The following LOXHD1 variants were observed in gnomAD, a reference collection of about 807,000 sequenced individuals.
LOXHD1 encodes the protein lipoxygenase homology PLAT domains 1, also known as lipoxygenase homology domain-containing protein 1.
A neutral mutation model predicts 248.2 loss-of-function variants in LOXHD1; 205 were observed. The observed-to-expected ratio is 0.83, with a 90% CI of 0.74 to 0.93. The LOEUF is 0.93. Among genes scored for constraint, LOXHD1 ranks in the 40% least tolerant of loss-of-function variants. LOXHD1 has a pLI of 0.00. For synonymous variants in LOXHD1, 1,113 were observed against 1,162.8 expected (o/e 0.96, Z 0.87); for missense variants, 2,930 against 2,971.6 (o/e 0.99, Z 0.33).
intron 4 of LOXHD1, among the ~76,000 whole-genome samples, chr18:46,638,983 CT>C (rs1335276912): frequency 2.0e-5 from 3 of 152,194 alleles, no homozygotes; most frequent in Non-Finnish European, 4.4e-5. Context: ...TAATGCCCCC[CT>C]TTTTGGAAAA....
chr18:46,570,459 A>C (rs1389044277), intron 15 of LOXHD1, among the ~76,000 whole-genome samples: 1 of 152,212 alleles, frequency 6.6e-6, no homozygotes, highest in East Asian at 1.9e-4. Context: ...GGATTTGGAG[A>C]AAGTCAGCTG....
In LOXHD1 at chr18:46,639,787, T is replaced by C; in HGVS notation, c.340A>G (p.Asn114Asp). The C allele has an allele frequency of 1.3e-6, 2 of 1,551,732 alleles. No homozygotes were observed. The highest frequency in any genetic ancestry group is 1.7e-6 in the Non-Finnish European group (2 of 1,147,002). ...TACCAGCTGGCATTCAAGCCCGTGT[T>C]GTCATGCTCAATCCTGAGGCAGAAG... ...LIYKVRIEHDNTGLNASWYLD... is the reference protein window; with the variant it reads ...LIYKVRIEHDDTGLNASWYLD... The change falls in exon 4 of 41, where the codon AAC becomes GAC. Residue 114 changes from asparagine to aspartate, a missense_variant. By Grantham distance (23) the Asn-to-Asp change is conservative. Coordinates refer to ENST00000642948, the MANE Select transcript of LOXHD1 (RefSeq NM_001384474.1).
At chr18:46,566,488 G>A (rs1188130046) in intron 16 of LOXHD1, 39 bp from the exon 17 acceptor site, 34 of 1,526,532 alleles carry the variant, frequency 2.2e-5, no homozygotes, top group Non-Finnish European at 4.4e-6. Context: ...AGGAGCCAGT[G>A]TGTAGAAACC....
rs1412765114 is a variant in LOXHD1 at position 46,524,544 on chromosome 18, C to A, written c.4798G>T (p.Ala1600Ser). The A allele has an allele frequency of 1.3e-6, 2 of 1,551,578 alleles. No homozygotes were observed. The highest frequency in any genetic ancestry group is 2.0e-5 in the Admixed American group (1 of 50,984). ...CSSPADFWEI[A>S]LSSKMADVDI... ...ACATCGGCCATCTTGGAGCTCAGGG[C>A]GATCTCCCAGAAGTCAGCAGGGCTG... The change falls in exon 31 of 41, where the codon GCC becomes TCC. Residue 1600 changes from alanine to serine, a missense_variant. Physicochemically the swap from Ala to Ser is moderately conservative, Grantham distance 99. Coordinates refer to ENST00000642948, the MANE Select transcript of LOXHD1 (RefSeq NM_001384474.1).
At position 46,657,092 on chromosome 18, in the gene LOXHD1, C is replaced by A. The variant is rs1157047109; in HGVS notation, c.-59G>T. On this transcript the variant is annotated 5_prime_UTR_variant, in exon 1 of 41. Coordinates refer to ENST00000642948, the MANE Select transcript of LOXHD1 (RefSeq NM_001384474.1). ...TCACTGTGCCGCCTCCTCACACCTGCGGGAACCTGAGACCTCCTCCCTGAG... is the reference window on the plus strand; with the variant it reads ...TCACTGTGCCGCCTCCTCACACCTGAGGGAACCTGAGACCTCCTCCCTGAG... 4.5e-6 allele frequency: 7 copies of A among 1,550,312 alleles called. No homozygotes were observed. Among genetic ancestry groups the A allele is most frequent in the African/African-American group, 1.4e-5 (1 of 73,014 alleles).
intron 29 of LOXHD1, among the ~76,000 whole-genome samples, chr18:46,527,600 C>G (rs567661856): frequency 1.1e-4 from 17 of 152,324 alleles, no homozygotes; most frequent in African/African-American, 4.1e-4. Flanking sequence ...CCCCTAGCAT[C>G]TGGGGACCTG....
intron 25 of LOXHD1, among the ~76,000 whole-genome samples, chr18:46,538,732 T>A (rs560862285): frequency 1.3e-5 from 2 of 152,302 alleles, no homozygotes; most frequent in East Asian, 3.9e-4. Context: ...TAAAGTGCCC[T>A]CGACATGGTG....
intron 32 of LOXHD1, 40 bp downstream of exon 32, chr18:46,522,061 C>A: frequency 6.7e-7 from 1 of 1,490,388 alleles, no homozygotes; most frequent in Non-Finnish European, 9.1e-7. Context: ...CTGTCTATCC[C>A]TAGGGTGGTC....
At chr18:46,575,682 G>T (rs756636079) in intron 14 of LOXHD1, among the ~76,000 whole-genome samples, 12 of 152,142 alleles carry the variant, frequency 7.9e-5, no homozygotes, top group Non-Finnish European at 1.6e-4. Flanking sequence ...GAGGGGTGCA[G>T]CCTGGCTGAC....
At chr18:46,637,051 C>G (rs1395763199) in intron 4 of LOXHD1, among the ~76,000 whole-genome samples, 1 of 152,114 alleles carries the variant, frequency 6.6e-6, no homozygotes, top group Admixed American at 6.6e-5. Context: ...GAGGCTGAGG[C>G]AAGAGAATCA....
intron 37 of LOXHD1, among the ~76,000 whole-genome samples, chr18:46,489,652 C>A (rs1284431919): frequency 1.3e-5 from 2 of 152,208 alleles, no homozygotes; most frequent in Non-Finnish European, 2.9e-5. Context: ...CCCCTGATCA[C>A]CTGCTAGGCC....
chr18:46,550,616 T>C (rs1057481239), intron 21 of LOXHD1, among the ~76,000 whole-genome samples: 2 of 142,386 alleles, frequency 1.4e-5, no homozygotes, highest in African/African-American at 2.5e-5. Context: ...CAGCGTGTGA[T>C]CTGTCAAATC....
intron 1 of LOXHD1, among the ~76,000 whole-genome samples, chr18:46,652,025 A>G (rs1039471069): frequency 1.3e-5 from 2 of 152,246 alleles, no homozygotes; most frequent in Non-Finnish European, 2.9e-5. Context: ...GAACTGTGGT[A>G]TATCTGTACA....
chr18:46,595,463 C>T (rs2038243265), intron 8 of LOXHD1, among the ~76,000 whole-genome samples: 1 of 152,166 alleles, frequency 6.6e-6, no homozygotes, highest in South Asian at 2.1e-4. Flanking sequence ...TATAGTTCAC[C>T]CCACCTGCAT....
Position 46,538,293 on chromosome 18 carries a change from C to A in LOXHD1, c.3958G>T (p.Ala1320Ser). 6.4e-7 allele frequency: 1 copy of A among 1,551,538 alleles called. No individual in the cohort carries two copies. The highest frequency in any genetic ancestry group is 8.7e-7 in the Non-Finnish European group (1 of 1,146,796). The change falls in exon 26 of 41, where the codon GCT becomes TCT. Residue 1320 changes from alanine to serine, a missense_variant. Ala to Ser is a moderately conservative substitution (Grantham distance 99). Transcript: ENST00000642948. ...ATGAAGATGTTGGCATCTGTCCCAG[C>A]AGCAAAGACATCACTGGTGTAGAGG... Reference protein sequence around the residue: ...ITLYTSDVFAAGTDANIFIII... With the variant: ...ITLYTSDVFASGTDANIFIII...
At position 46,518,234 on chromosome 18, in the gene LOXHD1, C is replaced by A. The variant is rs1053524259; in HGVS notation, c.5294G>T (p.Trp1765Leu). The A allele has an allele frequency of 1.3e-6, 2 of 1,551,524 alleles. No homozygotes were observed. The highest frequency in any genetic ancestry group is 1.4e-5 in the African/African-American group (1 of 73,028). Residue 1765 changes from tryptophan to leucine, a missense_variant, in exon 34 of 41, where the codon TGG becomes TTG. Trp to Leu is a moderately conservative substitution (Grantham distance 61). Coordinates refer to ENST00000642948, the MANE Select transcript of LOXHD1 (RefSeq NM_001384474.1). ...GCCCCCGCCAACCACATCCCCTGTC[C>A]ACACCGTCATTTCATAGAGAACCTG... is the stretch of plus-strand genomic sequence containing the variant. Reference protein sequence around the residue: ...GVKVLYEMTVWTGDVVGGGTD... With the variant: ...GVKVLYEMTVLTGDVVGGGTD...
At chr18:46,590,408 C>T (rs1360253076) in intron 12 of LOXHD1, among the ~76,000 whole-genome samples, 6 of 152,012 alleles carry the variant, frequency 3.9e-5, no homozygotes, top group East Asian at 1.9e-4. Flanking sequence ...AAATAGAGAC[C>T]GAGAATCTAA....
chr18:46,604,665 T>C (rs572705296), intron 6 of LOXHD1, among the ~76,000 whole-genome samples: 2 of 152,294 alleles, frequency 1.3e-5, no homozygotes, highest in East Asian at 3.9e-4. Flanking sequence ...AAGCCCCACA[T>C]CAGGCACAGT....
intron 21 of LOXHD1, 101 bp downstream of exon 21, chr18:46,557,255 C>A: frequency 1.4e-6 from 2 of 1,423,252 alleles, no homozygotes; most frequent in South Asian, 1.2e-5. Flanking sequence ...CCTCCACCGT[C>A]ACAGCCGGCC....
Sources: allele counts gnomAD v4.1 joint callset (sites outside exome capture counted in the v4.1 genomes callset), GRCh38; gene constraint gnomAD v4.1.1; transcripts MANE v1.5; gene names NCBI Gene and HGNC (gene_info 2026-07-23, HGNC 2026-07-21).